MYBPC2: variants seen among roughly 807,000 people sequenced by gnomAD.
The protein encoded by MYBPC2 is myosin binding protein C2, also known as myosin-binding protein C, fast-type.
In MYBPC2, 122 loss-of-function variants were observed where a neutral mutation model predicts 137.0. That is an observed-to-expected ratio of 0.89 (90% confidence interval 0.77 to 1.03). The LOEUF (loss-of-function observed/expected upper bound fraction) is 1.03. Ranked by LOEUF, MYBPC2 falls within the 50% of genes least tolerant of loss-of-function variation. The pLI is 0.00. For synonymous variants in MYBPC2, 626 were observed against 612.3 expected, an observed-to-expected ratio of 1.02 and a Z score of -0.33; for missense variants, 1,500 against 1,534.4, an observed-to-expected ratio of 0.98 and a Z score of 0.37.
In MYBPC2 at chr19:50,436,055, C is replaced by G; in HGVS notation, c.240C>G (p.Leu80=). 1 of 1,584,076 alleles carries G rather than the reference C, an allele frequency of 6.3e-7. No homozygotes were observed. The highest frequency in any genetic ancestry group is 8.6e-7 in the Non-Finnish European group (1 of 1,165,086). Residue 80 remains leucine, a synonymous_variant, in exon 4 of 28, where the codon CTC becomes CTG. Coordinates refer to ENST00000357701, the MANE Select transcript of MYBPC2 (RefSeq NM_004533.4). ...VVVAKVNGKE[L]PDKPTIKWFK... ...TGGCCAAGGTGAACGGGAAGGAGCT[C>G]CCAGACAAACCGACCATCAAGTGGT... is the stretch of plus-strand genomic sequence containing the variant.
At position 50,448,837 on chromosome 19, in the gene MYBPC2, C is replaced by T. The variant is rs191327668; in HGVS notation, c.1472+447C>T. Among the ~76,000 whole-genome samples the T allele has an allele frequency of 4.8e-4, 72 of 149,454 alleles. No individual in the cohort carries two copies. The East Asian group carries it at 0.012, about 24-fold the overall frequency. On this transcript the variant is annotated intron_variant, in intron 13 of 27. Coordinates refer to ENST00000357701, the MANE Select transcript of MYBPC2 (RefSeq NM_004533.4). ...GCAACCTCCAACTCTGAGGTTCAAG[C>T]GATTCTCCTGCCTCAGCCTCCTGAC...
At position 50,436,180 on chromosome 19, in the gene MYBPC2, G is replaced by A. The variant is rs199576814; in HGVS notation, c.345+20G>A. The A allele has an allele frequency of 1.1e-3, 1,746 of 1,574,520 alleles. 1 individual carries two copies. The highest frequency in any genetic ancestry group is 1.4e-3 in the Non-Finnish European group (1,607 of 1,159,860). ...AGCAATGTGAGGACCCCGTGGGCCAGAGGGCTGGTGGAGGGGAGTGGAGCT... is the reference window on the plus strand; with the variant it reads ...AGCAATGTGAGGACCCCGTGGGCCAAAGGGCTGGTGGAGGGGAGTGGAGCT... On this transcript the variant is annotated intron_variant, in intron 4 of 27. Coordinates refer to ENST00000357701, the MANE Select transcript of MYBPC2 (RefSeq NM_004533.4).
rs1568664059 is a variant in MYBPC2 at position 50,451,319 on chromosome 19, A to T, written c.1609+10A>T. On this transcript the variant is annotated intron_variant, in intron 15 of 27. Transcript: ENST00000357701. ...TACGTTCCCAAGCAAGGTGAGCACC[A>T]CGGGCTGCGCTGGGAGCGGGTCTGA... 6.2e-7 allele frequency: 1 copy of T among 1,613,362 alleles called. No individual in the cohort carries two copies. Among genetic ancestry groups the T allele is most frequent in the East Asian group, 2.2e-5 (1 of 44,876 alleles).
Position 50,445,984 on chromosome 19 carries a change from A to G in MYBPC2, c.1238A>G (p.Gln413Arg), listed in dbSNP as rs2039801670. ...RHILIFSDVV[Q>R]EDRGRYQVIT... The stretch of plus-strand genomic sequence containing the variant: ...ATCCTCATCTTCTCAGACGTGGTCC[A>G]GGAGGACAGGGGTCGCTATCAGGTC... The change falls in exon 12 of 28, where the codon CAG becomes CGG. Residue 413 changes from glutamine to arginine, a missense_variant. Coordinates refer to ENST00000357701, the MANE Select transcript of MYBPC2 (RefSeq NM_004533.4). 1 of 1,613,326 alleles carries G rather than the reference A, an allele frequency of 6.2e-7. No individual in the cohort carries two copies. The highest frequency in any genetic ancestry group is 1.3e-5 in the African/African-American group (1 of 74,926).
chr19:50,442,150 C>G (rs1322023901), intron 8 of MYBPC2, 31 bp from the exon 9 acceptor site: 2 of 1,568,008 alleles, frequency 1.3e-6, no homozygotes. Context: ...GACCACACGC[C>G]TCCATCCCCT....
At chr19:50,440,507 A>G (rs977350455) in intron 7 of MYBPC2, among the ~76,000 whole-genome samples, 7 of 151,836 alleles carry the variant, frequency 4.6e-5, no homozygotes, top group African/African-American at 1.7e-4. Context: ...CTACTAAAAT[A>G]CAAAAATTAG....
chr19:50,437,957 C>A (rs146316997), intron 7 of MYBPC2, among the ~76,000 whole-genome samples: 396 of 152,212 alleles, frequency 2.6e-3, no homozygotes, highest in Non-Finnish European at 4.2e-3. Flanking sequence ...CAAACATCTG[C>A]CATGAGTTCA....
At chr19:50,434,536 A>T (rs917728203) in intron 1 of MYBPC2, among the ~76,000 whole-genome samples, 4 of 152,188 alleles carry the variant, frequency 2.6e-5, no homozygotes, top group African/African-American at 7.2e-5. Context: ...TGTAGGAATT[A>T]GCGGGGCTTC....
intron 7 of MYBPC2, among the ~76,000 whole-genome samples, chr19:50,438,229 C>T (rs754733837): frequency 1.3e-5 from 2 of 152,188 alleles, no homozygotes; most frequent in African/African-American, 2.4e-5. Flanking sequence ...ATTTTCCCAC[C>T]TGTTTACCTG....
chr19:50,435,778 GC>G lies in MYBPC2; in HGVS notation c.116del (p.Pro39HisfsTer17). The G allele has an allele frequency of 6.2e-7, 1 of 1,608,010 alleles. No individual in the cohort carries two copies. The highest frequency in any genetic ancestry group is 1.1e-5 in the South Asian group (1 of 90,468). ...TCCTAATCCTGTCCCCTGAACAGAA[GC>G]CCCACCCGAGGACCAGTCCCCGACT... ...KEAPAEAPKEAPPEDQSPTAE... is the reference protein window; with the variant it reads ...KEAPAEAPKEXPPEDQSPTAE... On this transcript the variant is annotated frameshift_variant, in exon 3 of 28. Transcript: ENST00000357701. LOFTEE classifies it high-confidence loss of function. The surrounding 1 kb of genome is among the most constrained non-coding windows in gnomAD (Gnocchi z 4.8).
intron 13 of MYBPC2, 28 bp downstream of exon 13, chr19:50,448,418 G>C: frequency 2.5e-6 from 4 of 1,610,386 alleles, no homozygotes; most frequent in Non-Finnish European, 3.4e-6. Context: ...GAAGTGGCTG[G>C]GGGTAGGGTG....
chr19:50,457,939 C>G (rs1026744829), intron 20 of MYBPC2, among the ~76,000 whole-genome samples: 1 of 151,494 alleles, frequency 6.6e-6, no homozygotes, highest in South Asian at 2.1e-4. Context: ...CTCAGCCTCC[C>G]GAAGTGCTGG....
chr19:50,452,453 TATC>T (rs1156880618), intron 16 of MYBPC2, among the ~76,000 whole-genome samples: 1 of 152,162 alleles, frequency 6.6e-6, no homozygotes, highest in Non-Finnish European at 1.5e-5. Flanking sequence ...TCTGTCTATC[TATC>T]TATGTATCTG....
Position 50,458,725 on chromosome 19 carries a change from CCCAGCCGGTCA to C in MYBPC2, c.2481_2491del (p.Gln827HisfsTer129), listed in dbSNP as rs1460556083. ...GGGCGCAGCGAGCCGGCCACCCTGG[CCCAGCCGGTCA>C]CCATCAGGGAGATTGCGGGTGCGTG... On this transcript the variant is annotated frameshift_variant, in exon 21 of 28. Transcript: ENST00000357701. LOFTEE classifies it high-confidence loss of function. The C allele has an allele frequency of 1.9e-6, 3 of 1,609,004 alleles. No homozygotes were observed. The highest frequency in any genetic ancestry group is 1.3e-5 in the African/African-American group (1 of 75,068).
chr19:50,458,190 G>A (rs1438627811), intron 20 of MYBPC2, among the ~76,000 whole-genome samples: 2 of 151,114 alleles, frequency 1.3e-5, no homozygotes, highest in Admixed American at 6.6e-5. Flanking sequence ...CGAGCCTGTA[G>A]TCCCAGCTAC....
At chr19:50,446,262 G>A (rs35642373) in intron 12 of MYBPC2, among the ~76,000 whole-genome samples, 36,793 of 152,156 alleles carry the variant, frequency 0.24, 4,600 homozygotes, top group East Asian at 0.39. Flanking sequence ...TGTAATCCCA[G>A]CACTTTGGGA....
At chr19:50,436,503 C>A in intron 4 of MYBPC2, 114 bp from the exon 5 acceptor site, 3 of 976,574 alleles carry the variant, frequency 3.1e-6, no homozygotes, top group Non-Finnish European at 4.6e-6. Flanking sequence ...TCCATTGGCC[C>A]CCCTGTGGGG....
Position 50,459,108 on chromosome 19 carries a change from C to T in MYBPC2, c.2596-3C>T. 6.4e-7 allele frequency: 1 copy of T among 1,557,128 alleles called. No individual in the cohort carries two copies. The highest frequency in any genetic ancestry group is 8.7e-7 in the Non-Finnish European group (1 of 1,151,574). On this transcript the variant is annotated splice_polypyrimidine_tract_variant and splice_region_variant and intron_variant, in intron 22 of 27. Transcript: ENST00000357701. ...CCCACCCCGCCCCGCCCTCTCCCCG[C>T]AGGGAAAGCCCCGGCCCCAGGTGGT...
intron 13 of MYBPC2, among the ~76,000 whole-genome samples, chr19:50,449,266 G>T (rs1355650730): frequency 2.6e-5 from 4 of 152,134 alleles, no homozygotes; most frequent in Non-Finnish European, 5.9e-5. Flanking sequence ...GGATGGCCTC[G>T]TTCTTACCTC....
Sources: allele counts gnomAD v4.1 joint callset (sites outside exome capture counted in the v4.1 genomes callset), GRCh38; gene constraint gnomAD v4.1.1; non-coding constraint Gnocchi (gnomAD v3.1); transcripts MANE v1.5; gene names NCBI Gene and HGNC (gene_info 2026-07-23, HGNC 2026-07-21).